NLRP2: variants seen among roughly 807,000 people sequenced by gnomAD.
The protein encoded by NLRP2 is NLR family pyrin domain containing 2.
In NLRP2, 107 loss-of-function variants were observed where a neutral mutation model predicts 97.2. The observed-to-expected ratio is 1.10, with a 90% CI of 0.94 to 1.29. The LOEUF (loss-of-function observed/expected upper bound fraction) is 1.29, where lower values mean the gene tolerates loss of function less well. Ranked by LOEUF, NLRP2 falls within the 50% of genes most tolerant of loss-of-function variation. The pLI is 0.00. For synonymous variants in NLRP2, 663 were observed against 551.5 expected, an observed-to-expected ratio of 1.20 and a Z score of -2.83; for missense variants, 1,495 against 1,330.3, an observed-to-expected ratio of 1.12 and a Z score of -1.93.
At chr19:54,974,190 C>T (rs1336742032) in intron 2 of NLRP2, 3 of 582,816 alleles carry the variant, frequency 5.1e-6, no homozygotes, top group African/African-American at 3.7e-5. Flanking sequence ...CCCATCTCTA[C>T]TAAAAATACA....
chr19:54,999,474 C>G (rs151333601), intron 12 of NLRP2, among the ~76,000 whole-genome samples: 3 of 152,078 alleles, frequency 2.0e-5, no homozygotes, highest in Non-Finnish European at 4.4e-5. Flanking sequence ...ACTGGTACTC[C>G]GGGGTCCACT....
intron 11 of NLRP2, among the ~76,000 whole-genome samples, chr19:54,996,337 C>G (rs1365720303): frequency 6.6e-6 from 1 of 151,856 alleles, no homozygotes; most frequent in Admixed American, 6.6e-5. Context: ...CAGGTGAAAC[C>G]CTGTCTCTCT....
intron 2 of NLRP2, among the ~76,000 whole-genome samples, chr19:54,972,078 A>G (rs977842022): frequency 1.4e-5 from 2 of 146,956 alleles, no homozygotes; most frequent in South Asian, 2.1e-4. Context: ...TCGTGACCTC[A>G]TGATCTGCCC....
At chr19:54,991,939 T>C (rs1403696244) in intron 10 of NLRP2, among the ~76,000 whole-genome samples, 1 of 151,206 alleles carries the variant, frequency 6.6e-6, no homozygotes, top group Non-Finnish European at 1.5e-5. Context: ...TTTTTTTTTT[T>C]TTTAAGATGG....
At chr19:54,972,249 T>G (rs2070909577) in intron 2 of NLRP2, among the ~76,000 whole-genome samples, 1 of 152,156 alleles carries the variant, frequency 6.6e-6, no homozygotes, top group Non-Finnish European at 1.5e-5. Context: ...CAGCACAATC[T>G]CAGCTTATTG....
chr19:54,990,882 A>C, intron 10 of NLRP2: 1 of 606,424 alleles, frequency 1.6e-6, no homozygotes, highest in Non-Finnish European at 2.9e-6. Flanking sequence ...GGATTTGGGG[A>C]ATGTAGCTGG....
intron 4 of NLRP2, 98 bp from the exon 5 acceptor site, chr19:54,981,519 C>T (rs548565279): frequency 1.0e-5 from 3 of 289,096 alleles, no homozygotes; most frequent in South Asian, 8.4e-5. Flanking sequence ...GCCCCCCCTC[C>T]CCCCCGCCCC....
At chr19:54,995,488 G>A (rs928300079) in intron 11 of NLRP2, among the ~76,000 whole-genome samples, 16 of 151,490 alleles carry the variant, frequency 1.1e-4, no homozygotes, top group African/African-American at 3.9e-4. Flanking sequence ...GGAGGCTGAG[G>A]CAGGAGAATC....
chr19:54,972,267 C>T lies in NLRP2; in HGVS notation c.280+1972C>T, dbSNP rs118108760. Among the ~76,000 whole-genome samples, 103 of 152,116 alleles carry T rather than the reference C, an allele frequency of 6.8e-4. No homozygotes were observed. The East Asian group carries it at 0.018, about 26-fold the overall frequency. On this transcript the variant is annotated intron_variant, in intron 2 of 12. Coordinates refer to ENST00000448584, the MANE Select transcript of NLRP2 (RefSeq NM_017852.5). The stretch of plus-strand genomic sequence containing the variant: ...CACAATCTCAGCTTATTGCAACTCC[C>T]GCCCCCTGGGTTCAAGTGTTTCTCC...
chr19:54,984,329 G>GTTTTTTTTTTTTTTTTTT lies in NLRP2; in HGVS notation c.2030+607_2030+624dup, dbSNP rs200366059. On this transcript the variant is annotated intron_variant, in intron 6 of 12. Transcript: ENST00000448584. The stretch of plus-strand genomic sequence containing the variant: ...AACTTAAGTGGGGGTTTTTTTTTGT[G>GTTTTTTTTTTTTTTTTTT]TTTTTTTTTTTTTTTTTTTTTTTGG... 5.0e-4 allele frequency among the ~76,000 whole-genome samples: 40 copies of GTTTTTTTTTTTTTTTTTT among 79,672 alleles called. 1 individual carries two copies. The highest frequency in any genetic ancestry group is 1.2e-3 in the African/African-American group (25 of 21,644). 52.3% of individuals were successfully genotyped at this position (79,672 alleles called of 152,430 possible).
At chr19:54,976,622 C>T (rs1235240089) in intron 3 of NLRP2, among the ~76,000 whole-genome samples, 1 of 151,942 alleles carries the variant, frequency 6.6e-6, no homozygotes, top group Non-Finnish European at 1.5e-5. Flanking sequence ...ACTGGGATTA[C>T]AGGCATGAGC....
chr19:54,999,595 A>G (rs1419799327), intron 12 of NLRP2, among the ~76,000 whole-genome samples: 3 of 152,170 alleles, frequency 2.0e-5, no homozygotes, highest in African/African-American at 7.2e-5. Flanking sequence ...CAAGCATCTC[A>G]AACTGCACAA....
intron 2 of NLRP2, among the ~76,000 whole-genome samples, chr19:54,970,791 C>G (rs1255435886): frequency 7.9e-6 from 1 of 126,882 alleles, no homozygotes; most frequent in South Asian, 2.4e-4. Flanking sequence ...TTTTTTTGTC[C>G]TTTTATTTTT....
In NLRP2 at chr19:54,984,485, C is replaced by CTTTTTTTTTTTTTTTTTTTTTTTTTTT. The variant is rs36061621; in HGVS notation, c.2031-547_2031-546insTTTTTTTTTTTTTTTTTTTTTTTTTTT. ...ATGTATAGATATGTATATTCCCAAT[C>CTTTTTTTTTTTTTTTTTTTTTTTTTTT]TTTTTTTTTTTTTTTGAGACGGAGT... On this transcript the variant is annotated intron_variant, in intron 6 of 12. Transcript: ENST00000448584. 3.0e-3 allele frequency among the ~76,000 whole-genome samples: 229 copies of CTTTTTTTTTTTTTTTTTTTTTTTTTTT among 76,874 alleles called. 40 individuals carry two copies. Among genetic ancestry groups the CTTTTTTTTTTTTTTTTTTTTTTTTTTT allele is most frequent in the African/African-American group, 5.2e-3 (69 of 13,230 alleles). 50.4% of individuals were successfully genotyped at this position (76,874 alleles called of 152,430 possible).
rs73612058 is a variant in NLRP2, at chr19:54,999,188, T to C, written c.3051-1572T>C. Among the ~76,000 whole-genome samples the C allele has an allele frequency of 8.1e-3, 1,232 of 152,074 alleles. 12 individuals are homozygous for C. The highest frequency in any genetic ancestry group is 0.029 in the African/African-American group (1,187 of 41,392). ...CCCGGCCAGAGTTTTACTCTTGTTG[T>C]CCAGCCTGGAGCGCAATGGCGCTAT... On this transcript the variant is annotated intron_variant, in intron 12 of 12. Coordinates refer to ENST00000448584, the MANE Select transcript of NLRP2 (RefSeq NM_017852.5).
chr19:54,987,626 C>T (rs1415754928), intron 8 of NLRP2, among the ~76,000 whole-genome samples: 1 of 151,898 alleles, frequency 6.6e-6, no homozygotes, highest in Non-Finnish European at 1.5e-5. Flanking sequence ...CCTGTAGTCC[C>T]AGCTACTCAG....
rs2073150751 is a variant in NLRP2 at position 55,000,857 on chromosome 19, C to T, written c.3148C>T (p.Pro1050Ser). ...GATTATTGATACTGAGAAACATCAT[C>T]CCTGGGCAGAAAGGCCTTCTTCTCA... ...QLIIDTEKHH[P>S]WAERPSSHDF... The change falls in exon 13 of 13, where the codon CCC becomes TCC. Residue 1050 changes from proline (P) to serine (S), a missense_variant. Coordinates refer to ENST00000448584, the MANE Select transcript of NLRP2 (RefSeq NM_017852.5). 2.5e-6 allele frequency: 4 copies of T among 1,613,240 alleles called. No individual in the cohort carries two copies. The Admixed American group carries it at 5.0e-5, about 20-fold the overall frequency.
intron 1 of NLRP2, among the ~76,000 whole-genome samples, chr19:54,967,145 G>A (rs2070501144): frequency 6.6e-6 from 1 of 151,950 alleles, no homozygotes; most frequent in Admixed American, 6.6e-5. Flanking sequence ...GGGATTATAG[G>A]CAGGTGCCAC....
rs199475711 is a variant in NLRP2 at position 54,974,673 on chromosome 19, G to A, written c.325+129G>A. The A allele has an allele frequency of 1.1e-4, 84 of 747,354 alleles. No individual in the cohort carries two copies. Among genetic ancestry groups the A allele is most frequent in the South Asian group, 5.7e-4 (37 of 64,782 alleles). 46.3% of individuals were successfully genotyped at this position (747,354 alleles called of 1,614,324 possible). A position where few individuals can be genotyped will look rare whatever the true frequency, so the allele number is the denominator to read the frequency against. On this transcript the variant is annotated intron_variant, in intron 3 of 12. Transcript: ENST00000448584. ...CGGACTTAGCATCCCTGCTCCCAGG[G>A]CGGAGCTGGTCTCGCAGGTGCGTAG... is the stretch of plus-strand genomic sequence containing the variant.
Sources: allele counts gnomAD v4.1 joint callset (sites outside exome capture counted in the v4.1 genomes callset), GRCh38; gene constraint gnomAD v4.1.1; transcripts MANE v1.5; gene names NCBI Gene and HGNC (gene_info 2026-07-23, HGNC 2026-07-21).